The following GTF2IRD1 variants were observed in gnomAD, a reference collection of about 807,000 sequenced individuals.
GTF2IRD1 encodes the protein general transcription factor II-I repeat domain-containing protein 1.
A neutral mutation model predicts 113.2 loss-of-function variants in GTF2IRD1; 26 were observed. The observed-to-expected ratio is 0.23, with a 90% CI of 0.17 to 0.32. GTF2IRD1 has a LOEUF of 0.32. Among genes scored for constraint, GTF2IRD1 ranks in the 10% least tolerant of loss-of-function variants. GTF2IRD1 has a pLI of 1.00. For synonymous variants in GTF2IRD1, 484 were observed against 529.1 expected (o/e 0.91, Z 1.17); for missense variants, 864 against 1,280.8 (o/e 0.67, Z 4.97).
chr7:74,486,481 G>A (rs1584498643), intron 1 of GTF2IRD1, among the ~76,000 whole-genome samples: 1 of 152,208 alleles, frequency 6.6e-6, no homozygotes, highest in Non-Finnish European at 1.5e-5. Context: ...CCCATTGCCT[G>A]CTTCCAGGGA....
At chr7:74,540,293 T>C (rs1252122443) in intron 14 of GTF2IRD1, among the ~76,000 whole-genome samples, 9 of 152,072 alleles carry the variant, frequency 5.9e-5, no homozygotes, top group Non-Finnish European at 1.3e-4. Flanking sequence ...ATTACAGGCA[T>C]GTGCCACCAT....
chr7:74,601,156 A>G lies in GTF2IRD1; in HGVS notation c.2742A>G (p.Ala914=), dbSNP rs1554373932. ...CGTCCTCTAACCCGGATTCAGTGGC[A>G]TCGGCCAACCAGATCTCACTCGTGG... ...SSSSSNPDSV[A]SANQISLVQW... The change falls in exon 26 of 27, where the codon GCA becomes GCG. Residue 914 remains alanine, a synonymous_variant. Transcript: ENST00000424337. 3 of 1,603,960 alleles carry G rather than the reference A, an allele frequency of 1.9e-6. No individual in the cohort carries two copies. Among genetic ancestry groups the G allele is most frequent in the Non-Finnish European group, 8.5e-7 (1 of 1,174,924 alleles).
intron 22 of GTF2IRD1, among the ~76,000 whole-genome samples, chr7:74,568,107 G>A (rs587715326): frequency 1.3e-5 from 2 of 151,894 alleles, no homozygotes; most frequent in African/African-American, 4.8e-5. Context: ...TTTAGAGGTA[G>A]GAACAGCAGC....
chr7:74,556,264 AAGAGAG>A (rs587693569), intron 19 of GTF2IRD1, among the ~76,000 whole-genome samples: 5 of 149,510 alleles, frequency 3.3e-5, no homozygotes, highest in South Asian at 2.1e-4. Context: ...AAAAAAAAGA[AAGAGAG>A]AGAGAGAGAG....
intron 22 of GTF2IRD1, among the ~76,000 whole-genome samples, chr7:74,562,882 G>A (rs1368070515): frequency 6.6e-6 from 1 of 152,068 alleles, no homozygotes; most frequent in Non-Finnish European, 1.5e-5. Context: ...GCATTCAGCC[G>A]CCTTTCTTTT....
At chr7:74,482,036 AGCCCCT>A (rs782138946) in intron 1 of GTF2IRD1, among the ~76,000 whole-genome samples, 3 of 152,094 alleles carry the variant, frequency 2.0e-5, no homozygotes, top group Non-Finnish European at 4.4e-5. Context: ...TGGCTCTTGC[AGCCCCT>A]GCCCTAGTGA....
intron 1 of GTF2IRD1, among the ~76,000 whole-genome samples, chr7:74,496,407 A>G (rs28361416): frequency 0.28 from 39,794 of 140,758 alleles, 6,117 homozygotes; most frequent in African/African-American, 0.45. Flanking sequence ...GTGTGTGTGC[A>G]TGTGGGTGTC....
intron 22 of GTF2IRD1, among the ~76,000 whole-genome samples, chr7:74,573,562 G>A (rs1255934707): frequency 6.6e-6 from 1 of 152,114 alleles, no homozygotes; most frequent in Non-Finnish European, 1.5e-5. Context: ...AGAGCAACCA[G>A]CACCTTTATT....
At chr7:74,533,618 G>A (rs1326347153) in intron 9 of GTF2IRD1, among the ~76,000 whole-genome samples, 1 of 152,144 alleles carries the variant, frequency 6.6e-6, no homozygotes, top group African/African-American at 2.4e-5. Context: ...TCCACCTCCA[G>A]CCTCCAGTCA....
At chr7:74,522,111 A>G (rs1797333322) in intron 7 of GTF2IRD1, among the ~76,000 whole-genome samples, 1 of 152,174 alleles carries the variant, frequency 6.6e-6, no homozygotes, top group South Asian at 2.1e-4. Flanking sequence ...AGGAACGAGG[A>G]AGCCACGTGG....
At chr7:74,486,989 T>G (rs1795065408) in intron 1 of GTF2IRD1, among the ~76,000 whole-genome samples, 1 of 152,104 alleles carries the variant, frequency 6.6e-6, no homozygotes. Context: ...TAGACAAAAG[T>G]TCCCAAAAGT....
chr7:74,597,216 G>A (rs1402543348), intron 25 of GTF2IRD1, among the ~76,000 whole-genome samples: 2 of 151,718 alleles, frequency 1.3e-5, no homozygotes, highest in Non-Finnish European at 2.9e-5. Flanking sequence ...CTATTTTTTT[G>A]TATTTTTAGT....
At position 74,602,353 on chromosome 7, in the gene GTF2IRD1, C is replaced by T. The variant is rs201237256; in HGVS notation, c.2767-12C>T. On this transcript the variant is annotated splice_polypyrimidine_tract_variant and intron_variant, in intron 26 of 26. Coordinates refer to ENST00000424337, the MANE Select transcript of GTF2IRD1 (RefSeq NM_005685.4). ...TGGAGTCCTAATCCAGTCCCTTTGT[C>T]CCTCTCTCTAGCAATGGCCAATGTA... 1.9e-6 allele frequency: 3 copies of T among 1,611,658 alleles called. No individual in the cohort carries two copies. Among genetic ancestry groups the T allele is most frequent in the East Asian group, 4.5e-5 (2 of 44,830 alleles).
At chr7:74,518,851 G>T (rs782732898) in intron 5 of GTF2IRD1, among the ~76,000 whole-genome samples, 7 of 152,220 alleles carry the variant, frequency 4.6e-5, no homozygotes, top group African/African-American at 1.4e-4. Context: ...TTGCGTCACT[G>T]CACTCCAGCA....
intron 22 of GTF2IRD1, among the ~76,000 whole-genome samples, chr7:74,572,199 A>AGG (rs1800734618): frequency 1.3e-5 from 2 of 152,204 alleles, no homozygotes; most frequent in East Asian, 3.9e-4. Flanking sequence ...ACCTCTGCAG[A>AGG]GGGTACTGGG....
At chr7:74,554,703 T>A (rs1442748408) in intron 17 of GTF2IRD1, among the ~76,000 whole-genome samples, 1 of 152,138 alleles carries the variant, frequency 6.6e-6, no homozygotes, top group Non-Finnish European at 1.5e-5. Context: ...CACACCTGGC[T>A]AATTTTTGTA....
chr7:74,490,813 G>C (rs117050583), intron 1 of GTF2IRD1, among the ~76,000 whole-genome samples: 1 of 151,976 alleles, frequency 6.6e-6, no homozygotes, highest in African/African-American at 2.4e-5. Context: ...TTCTAGTGGC[G>C]CTTCCAAGGG....
intron 22 of GTF2IRD1, among the ~76,000 whole-genome samples, chr7:74,578,701 A>C (rs587719916): frequency 6.6e-6 from 1 of 152,204 alleles, no homozygotes; most frequent in Non-Finnish European, 1.5e-5. Context: ...CTAAGAATGC[A>C]ATTAACACTT....
chr7:74,509,488 G>C (rs2299953), intron 2 of GTF2IRD1, among the ~76,000 whole-genome samples: 15,350 of 151,700 alleles, frequency 0.1, 1,907 homozygotes, highest in East Asian at 0.38. Context: ...AACCGAGATC[G>C]TGCCACTGCA....
Sources: gnomAD v4.1 joint callset for allele counts (sites outside exome capture counted in the v4.1 genomes callset) on GRCh38, gnomAD v4.1.1 for gene constraint, MANE v1.5 for transcripts, NCBI Gene and HGNC (gene_info 2026-07-23, HGNC 2026-07-21) for gene names.